CNTNAP3B: variants seen among roughly 807,000 people sequenced by gnomAD.
CNTNAP3B encodes the protein contactin associated protein family member 3B, also known as contactin-associated protein-like 3B.
In CNTNAP3B, 25 loss-of-function variants were observed where a neutral mutation model predicts 108.9. The ratio of observed to expected loss-of-function variants is 0.23; its 90% CI spans 0.17 to 0.32. CNTNAP3B has a LOEUF of 0.32. Among genes scored for constraint, CNTNAP3B ranks in the 10% least tolerant of loss-of-function variants. The probability of loss-of-function intolerance (pLI) is 1.00; values close to 1 mark genes in which losing one functional copy is unlikely to be tolerated. For missense variants in CNTNAP3B, 252 were observed against 1,210.4 expected, an observed-to-expected ratio of 0.21 and a Z score of 11.75; for synonymous variants, 103 against 473.4, an observed-to-expected ratio of 0.22 and a Z score of 10.16.
At chr9:41,925,592 C>A (rs1287921102) in intron 15 of CNTNAP3B, among the ~76,000 whole-genome samples, 1 of 140,250 alleles carries the variant, frequency 7.1e-6, no homozygotes, top group Non-Finnish European at 1.6e-5. Context: ...GACTCCATCT[C>A]AAAAACAAAC....
At chr9:41,952,041 T>A (rs1414038254) in intron 13 of CNTNAP3B, among the ~76,000 whole-genome samples, 2 of 152,246 alleles carry the variant, frequency 1.3e-5, no homozygotes, top group Non-Finnish European at 2.9e-5. Flanking sequence ...ATCGTGCCAC[T>A]GCACTCCAGC....
At chr9:41,927,987 A>AT (rs917845246) in intron 15 of CNTNAP3B, among the ~76,000 whole-genome samples, 1,154 of 147,618 alleles carry the variant, frequency 7.8e-3, no homozygotes, top group African/African-American at 0.028. Flanking sequence ...AATAAAAACC[A>AT]TTTTTTCTTA....
chr9:41,979,668 T>TATATATATA (rs1230970425), intron 9 of CNTNAP3B: 1 of 26,302 alleles, frequency 3.8e-5, no homozygotes, highest in African/African-American at 8.7e-5. Context: ...TATATATATA[T>TATATATATA]TTTTTTTTTC....
chr9:41,996,145 AT>A lies in CNTNAP3B; in HGVS notation c.1071+59del. On this transcript the variant is annotated intron_variant, in intron 7 of 23. Coordinates refer to ENST00000377561, the MANE Select transcript of CNTNAP3B (RefSeq NM_001201380.3). ...ATGAAATGGAGACTTCACATGAATA[AT>A]TTTTAAATGCAAAAAATAAAATGTC... 13 of 854,656 alleles carry A rather than the reference AT, an allele frequency of 1.5e-5. 1 individual carries two copies. In the South Asian group the frequency reaches 2.6e-4, roughly 17 times the overall value. 52.9% of individuals were successfully genotyped at this position (854,656 alleles called of 1,614,324 possible). A position where few individuals can be genotyped will look rare whatever the true frequency, so the allele number is the denominator to read the frequency against.
intron 15 of CNTNAP3B, among the ~76,000 whole-genome samples, chr9:41,925,797 T>C (rs1823802200): frequency 6.6e-6 from 1 of 152,302 alleles, no homozygotes; most frequent in Non-Finnish European, 1.5e-5. Context: ...TTTTCAGCTT[T>C]TTTTTTCCCC....
intron 9 of CNTNAP3B, among the ~76,000 whole-genome samples, chr9:41,983,068 T>A (rs2118318014): frequency 8.1e-6 from 1 of 123,334 alleles, no homozygotes; most frequent in Admixed American, 8.3e-5. Context: ...AGGGTGAAGA[T>A]CGAAAAACTA....
chr9:41,939,298 A>C (rs1824259410), intron 13 of CNTNAP3B, among the ~76,000 whole-genome samples: 1 of 152,306 alleles, frequency 6.6e-6, no homozygotes, highest in South Asian at 2.1e-4. Flanking sequence ...AATTGGATTA[A>C]CTCAACCAGT....
At chr9:42,058,354 C>G (rs1827118410) in intron 3 of CNTNAP3B, among the ~76,000 whole-genome samples, 1 of 151,852 alleles carries the variant, frequency 6.6e-6, no homozygotes, top group Admixed American at 6.6e-5. Context: ...ATCCTCTTTT[C>G]TTCACATCTT....
At chr9:41,964,963 A>T (rs1365653165) in intron 10 of CNTNAP3B, among the ~76,000 whole-genome samples, 3 of 152,260 alleles carry the variant, frequency 2.0e-5, no homozygotes. Flanking sequence ...GAAATATGGC[A>T]TGCTCAGTTA....
chr9:42,036,016 G>A (rs1206385271), intron 3 of CNTNAP3B, among the ~76,000 whole-genome samples: 1 of 146,926 alleles, frequency 6.8e-6, no homozygotes, highest in Non-Finnish European at 1.5e-5. Flanking sequence ...GCTGAGGCAG[G>A]AGAATCGCTT....
At chr9:41,966,344 T>G (rs961535436) in intron 10 of CNTNAP3B, among the ~76,000 whole-genome samples, 1 of 152,298 alleles carries the variant, frequency 6.6e-6, no homozygotes. Flanking sequence ...ATAAGAACTA[T>G]TTAAGTGATC....
chr9:41,952,018 G>T (rs528675262), intron 13 of CNTNAP3B, among the ~76,000 whole-genome samples: 3 of 152,376 alleles, frequency 2.0e-5, no homozygotes, highest in African/African-American at 4.8e-5. Context: ...GGAGCGGGTT[G>T]CAGTGAGCAA....
rs189751544 is a variant in CNTNAP3B at position 42,012,057 on chromosome 9, C to T, written c.538+1321G>A. 7.5e-3 allele frequency among the ~76,000 whole-genome samples: 745 copies of T among 98,778 alleles called. 243 individuals carry two copies. Among genetic ancestry groups the T allele is most frequent in the African/African-American group, 0.027 (719 of 26,240 alleles). The allele number at this position is 98,778 out of a possible 152,430, so 64.8% of individuals were successfully genotyped here. On this transcript the variant is annotated intron_variant, in intron 4 of 23. Coordinates refer to ENST00000377561, the MANE Select transcript of CNTNAP3B (RefSeq NM_001201380.3). ...GAATCAGGCACAGGGCTTTGATCTT[C>T]CTGGTACCAACCTCCAGCCCAAGGA...
rs1405363150 is a variant in CNTNAP3B, at chr9:42,091,901, T to C, written c.196+12728A>G. 4.9e-5 allele frequency among the ~76,000 whole-genome samples: 5 copies of C among 103,066 alleles called. 2 individuals are homozygous for C. Among genetic ancestry groups the C allele is most frequent in the Non-Finnish European group, 1.0e-4 (5 of 48,580 alleles). 67.6% of individuals were successfully genotyped at this position (103,066 alleles called of 152,430 possible). ...GAAGATACATGGAAGAAAAACCATG[T>C]TCTCTAAAACCCCATAAAGCTAAGT... On this transcript the variant is annotated intron_variant, in intron 2 of 23. Transcript: ENST00000377561.
chr9:41,915,715 T>C (rs1162578457), intron 18 of CNTNAP3B, among the ~76,000 whole-genome samples: 1 of 146,224 alleles, frequency 6.8e-6, no homozygotes, highest in Non-Finnish European at 1.5e-5. Context: ...TAAATGTTTT[T>C]TTTTTTCAGC....
intron 12 of CNTNAP3B, among the ~76,000 whole-genome samples, chr9:41,955,622 C>T (rs1320557344): frequency 6.6e-6 from 1 of 152,256 alleles, no homozygotes; most frequent in Non-Finnish European, 1.5e-5. Context: ...CCTCGACCTC[C>T]TGGGCTCAAG....
rs1427745182 is a variant in CNTNAP3B, at chr9:41,933,653, C to T, written c.2238-4209G>A. 3.9e-5 allele frequency among the ~76,000 whole-genome samples: 6 copies of T among 152,388 alleles called. No homozygotes were observed. The South Asian group carries it at 6.2e-4, about 16-fold the overall frequency. On this transcript the variant is annotated intron_variant, in intron 14 of 23. Transcript: ENST00000377561. Reference sequence around the variant, plus strand: ...GCAAACTTACTGAACTCTCATTTTTCCTGATATTTCTTTATATTATTTTGG... The same window carrying T: ...GCAAACTTACTGAACTCTCATTTTTTCTGATATTTCTTTATATTATTTTGG...
rs867303238 is a variant in CNTNAP3B, at chr9:42,112,976, C to T, written c.86-8237G>A. Among the ~76,000 whole-genome samples, 22 of 126,282 alleles carry T rather than the reference C, an allele frequency of 1.7e-4. 5 individuals are homozygous for T. Among genetic ancestry groups the T allele is most frequent in the Non-Finnish European group, 6.5e-5 (4 of 61,192 alleles). The allele number at this position is 126,282 out of a possible 152,430, so 82.8% of individuals were successfully genotyped here. ...TTCACCATGTTAGCCAAGATAGTATCGATCTCCTGATCTCGTGATCCACCT... is the reference window on the plus strand; with the variant it reads ...TTCACCATGTTAGCCAAGATAGTATTGATCTCCTGATCTCGTGATCCACCT... On this transcript the variant is annotated intron_variant, in intron 1 of 23. Coordinates refer to ENST00000377561, the MANE Select transcript of CNTNAP3B (RefSeq NM_001201380.3).
intron 3 of CNTNAP3B, among the ~76,000 whole-genome samples, chr9:42,066,446 G>A (rs62553637): frequency 0.35 from 26,553 of 75,816 alleles, 4,218 homozygotes; most frequent in East Asian, 0.61. Context: ...TTTTTTTTGA[G>A]ACAGAGTTTC....
Sources: gnomAD v4.1 joint callset for allele counts (sites outside exome capture counted in the v4.1 genomes callset) on GRCh38, gnomAD v4.1.1 for gene constraint, MANE v1.5 for transcripts, NCBI Gene and HGNC (gene_info 2026-07-23, HGNC 2026-07-21) for gene names.